Variants in AGBL4 observed in about 807,000 individuals in gnomAD.
AGBL4 encodes the protein cytosolic carboxypeptidase 6.
AGBL4 carries 58 observed loss-of-function variants against 66.4 expected under a neutral mutation model. The ratio of observed to expected loss-of-function variants is 0.87; its 90% CI spans 0.71 to 1.09. The LOEUF (loss-of-function observed/expected upper bound fraction) is 1.09. Among genes scored for constraint, AGBL4 ranks in the 50% least tolerant of loss-of-function variants. AGBL4 has a pLI of 0.00. For missense variants in AGBL4, 579 were observed against 631.0 expected (o/e 0.92, Z 0.88); for synonymous variants, 234 against 222.9 (o/e 1.05, Z -0.44).
At chr1:49,631,294 T>A (rs1043821307) in intron 3 of AGBL4, among the ~76,000 whole-genome samples, 7 of 152,188 alleles carry the variant, frequency 4.6e-5, no homozygotes, top group Non-Finnish European at 8.8e-5. Context: ...GAATCCACTC[T>A]TCTACTGCAG....
At chr1:48,958,605 C>T (rs1431982826) in intron 5 of AGBL4, among the ~76,000 whole-genome samples, 1 of 152,230 alleles carries the variant, frequency 6.6e-6, no homozygotes, top group East Asian at 1.9e-4. Context: ...TGGTCTTGGT[C>T]TCCCACATCA....
intron 11 of AGBL4, among the ~76,000 whole-genome samples, chr1:48,541,190 C>T (rs1037396076): frequency 6.6e-6 from 1 of 152,232 alleles, no homozygotes; most frequent in African/African-American, 2.4e-5. Flanking sequence ...CCAGGACCCA[C>T]TCCTTCTCAG....
chr1:49,754,210 T>C (rs1410106357), intron 2 of AGBL4, among the ~76,000 whole-genome samples: 3 of 152,158 alleles, frequency 2.0e-5, no homozygotes, highest in Admixed American at 1.3e-4. Flanking sequence ...TCATGATTTA[T>C]CTACCTTTGG....
chr1:49,021,644 C>T (rs1202481628), intron 5 of AGBL4, among the ~76,000 whole-genome samples: 1 of 152,152 alleles, frequency 6.6e-6, no homozygotes, highest in East Asian at 1.9e-4. Context: ...GTAAAAAATT[C>T]CGGTTTTTAA....
At chr1:49,896,600 C>G (rs1390024259) in intron 1 of AGBL4, among the ~76,000 whole-genome samples, 3 of 137,642 alleles carry the variant, frequency 2.2e-5, no homozygotes, top group Non-Finnish European at 4.6e-5. Flanking sequence ...CAGAAACAGA[C>G]CCATGAAAAC....
intron 6 of AGBL4, among the ~76,000 whole-genome samples, chr1:48,755,631 G>A (rs12086219): frequency 0.081 from 12,403 of 152,190 alleles, 699 homozygotes; most frequent in East Asian, 0.17. Flanking sequence ...CTTTCTGGTT[G>A]TTCTCTGCCT....
At position 49,771,045 on chromosome 1, in the gene AGBL4, T is replaced by C. The variant is rs544886345; in HGVS notation, c.158-73608A>G. 2.5e-3 allele frequency among the ~76,000 whole-genome samples: 385 copies of C among 152,234 alleles called. 1 individual carries two copies. The highest frequency in any genetic ancestry group is 8.8e-3 in the African/African-American group (365 of 41,552). ...TATTATTTCCTTCCTACTACCAATT[T>C]TGGGTTGATTGTTCTTGTTTTTCTA... On this transcript the variant is annotated intron_variant, in intron 2 of 13. Transcript: ENST00000371839.
intron 1 of AGBL4, among the ~76,000 whole-genome samples, chr1:50,011,531 G>A (rs1661531999): frequency 1.3e-5 from 2 of 152,154 alleles, no homozygotes; most frequent in Admixed American, 6.5e-5. Flanking sequence ...TCACTGCCGG[G>A]TATATAACCA....
At chr1:48,731,575 T>C (rs957602315) in intron 6 of AGBL4, among the ~76,000 whole-genome samples, 41 of 152,234 alleles carry the variant, frequency 2.7e-4, no homozygotes, top group African/African-American at 8.7e-4. Flanking sequence ...AAGGCTCACC[T>C]AAGCAGATCT....
intron 2 of AGBL4, among the ~76,000 whole-genome samples, chr1:49,704,822 G>T (rs1003072471): frequency 6.6e-6 from 1 of 152,130 alleles, no homozygotes; most frequent in African/African-American, 2.4e-5. Context: ...TGCTGTTGGG[G>T]TTACTGTAGC....
intron 3 of AGBL4, among the ~76,000 whole-genome samples, chr1:49,248,553 A>G (rs1218354577): frequency 6.6e-6 from 1 of 152,192 alleles, no homozygotes; most frequent in Non-Finnish European, 1.5e-5. Flanking sequence ...GAATAAGATT[A>G]TAGACTTTTT....
chr1:49,648,799 A>G lies in AGBL4; in HGVS notation c.282+48514T>C, dbSNP rs550750115. ...TGGAGGAAAAATACTTTCTCAAATAAAAAAAAAAGGAATCTGTAGCCAGTA... is the reference window on the plus strand; with the variant it reads ...TGGAGGAAAAATACTTTCTCAAATAGAAAAAAAAGGAATCTGTAGCCAGTA... On this transcript the variant is annotated intron_variant, in intron 3 of 13. Transcript: ENST00000371839. Among the ~76,000 whole-genome samples, 3 of 150,216 alleles carry G rather than the reference A, an allele frequency of 2.0e-5. No homozygotes were observed. In the East Asian group the frequency reaches 5.8e-4, roughly 29 times the overall value.
At chr1:48,546,403 G>C (rs967807225) in intron 11 of AGBL4, among the ~76,000 whole-genome samples, 3 of 152,190 alleles carry the variant, frequency 2.0e-5, no homozygotes, top group Admixed American at 1.3e-4. Flanking sequence ...ATTGTGAAAG[G>C]CTTCATGGAG....
rs190126808 is a variant in AGBL4, at chr1:49,489,757, C to T, written c.282+207556G>A. ...TTTTATTCTTCTACATATGGATATA[C>T]AGTTTTCCCAGCAGCATTTATTGAA... On this transcript the variant is annotated intron_variant, in intron 3 of 13. Coordinates refer to ENST00000371839, the MANE Select transcript of AGBL4 (RefSeq NM_032785.4). Among the ~76,000 whole-genome samples the T allele has an allele frequency of 3.2e-4, 48 of 151,952 alleles. 1 individual carries two copies. In the South Asian group the frequency reaches 8.5e-3, roughly 27 times the overall value.
At chr1:49,699,904 C>T (rs1300013414) in intron 2 of AGBL4, among the ~76,000 whole-genome samples, 1 of 151,710 alleles carries the variant, frequency 6.6e-6, no homozygotes, top group Non-Finnish European at 1.5e-5. Context: ...TTTTACCATG[C>T]ATACATATAC....
At chr1:49,966,875 T>C (rs780387524) in intron 1 of AGBL4, among the ~76,000 whole-genome samples, 19 of 152,170 alleles carry the variant, frequency 1.2e-4, no homozygotes, top group South Asian at 2.1e-4. Flanking sequence ...CTTGATAGAA[T>C]TGCCAAACTG....
intron 3 of AGBL4, among the ~76,000 whole-genome samples, chr1:49,262,517 A>G (rs570119966): frequency 6.6e-6 from 1 of 152,354 alleles, no homozygotes; most frequent in South Asian, 2.1e-4. Context: ...ACACTTCTCA[A>G]AAGAAGATAT....
chr1:49,656,229 T>A (rs1455409691), intron 3 of AGBL4, among the ~76,000 whole-genome samples: 1 of 151,464 alleles, frequency 6.6e-6, no homozygotes, highest in Non-Finnish European at 1.5e-5. Flanking sequence ...CATAAACACC[T>A]CTACGCAAAT....
intron 4 of AGBL4, among the ~76,000 whole-genome samples, chr1:49,083,890 G>C (rs1032624625): frequency 9.9e-5 from 15 of 152,190 alleles, no homozygotes; most frequent in African/African-American, 3.6e-4. Context: ...CTGCTTAGAA[G>C]TTTCTTTCGC....
Sources: allele counts gnomAD v4.1 joint callset (sites outside exome capture counted in the v4.1 genomes callset), GRCh38; gene constraint gnomAD v4.1.1; transcripts MANE v1.5; gene names NCBI Gene and HGNC (gene_info 2026-07-23, HGNC 2026-07-21).